Variants in MYO16 observed in about 807,000 individuals in gnomAD.
The protein encoded by MYO16 is myosin XVI, also known as unconventional myosin-XVI.
MYO16 carries 94 observed loss-of-function variants against 205.3 expected under a neutral mutation model. The ratio of observed to expected loss-of-function variants is 0.46; its 90% CI spans 0.39 to 0.54. MYO16 has a LOEUF of 0.54. MYO16 is among the 20% of genes least tolerant of loss of function. The pLI is 0.00. For synonymous variants in MYO16, 988 were observed against 954.0 expected (o/e 1.04, Z -0.66); for missense variants, 2,315 against 2,387.5 (o/e 0.97, Z 0.63).
chr13:108,707,920 G>A (rs1228551988), intron 2 of MYO16, among the ~76,000 whole-genome samples: 1 of 152,124 alleles, frequency 6.6e-6, no homozygotes, highest in African/African-American at 2.4e-5. Flanking sequence ...AATGGGGGCA[G>A]AAATAGCTCC....
chr13:108,837,935 C>A (rs921403889), intron 9 of MYO16, among the ~76,000 whole-genome samples: 4 of 151,958 alleles, frequency 2.6e-5, no homozygotes, highest in Admixed American at 6.6e-5. Flanking sequence ...TTATTAATCA[C>A]CCTAGACTCA....
chr13:109,198,839 G>A (rs1332424215), intron 34 of MYO16, among the ~76,000 whole-genome samples: 2 of 152,110 alleles, frequency 1.3e-5, no homozygotes, highest in Non-Finnish European at 2.9e-5. Flanking sequence ...TGAAGCCAGC[G>A]AATGCTTGTT....
At chr13:109,011,628 C>A (rs1885602211) in intron 22 of MYO16, among the ~76,000 whole-genome samples, 1 of 151,890 alleles carries the variant, frequency 6.6e-6, no homozygotes, top group African/African-American at 2.4e-5. Context: ...GATTCTCCTG[C>A]CTCAGCCACC....
intron 1 of MYO16, among the ~76,000 whole-genome samples, chr13:108,659,002 T>G (rs946269475): frequency 6.6e-6 from 1 of 151,934 alleles, no homozygotes; most frequent in Non-Finnish European, 1.5e-5. Flanking sequence ...AGGAAGATTT[T>G]TATTCTAGAT....
At chr13:109,024,026 A>G (rs1425293033) in intron 23 of MYO16, among the ~76,000 whole-genome samples, 1 of 105,078 alleles carries the variant, frequency 9.5e-6, no homozygotes, top group Non-Finnish European at 2.4e-5. Flanking sequence ...TACAATGTGT[A>G]TGTATATATT....
intron 32 of MYO16, among the ~76,000 whole-genome samples, chr13:109,145,290 A>G (rs945353048): frequency 3.9e-5 from 6 of 152,154 alleles, no homozygotes; most frequent in Non-Finnish European, 8.8e-5. Context: ...GAATGACTTG[A>G]GTGCAGTAAC....
intron 2 of MYO16, among the ~76,000 whole-genome samples, chr13:108,679,722 A>AAC (rs1555338195): frequency 7.0e-6 from 1 of 142,840 alleles, no homozygotes. Context: ...AAAAAAAAAA[A>AAC]TAATAATAAT....
chr13:108,727,355 GT>G lies in MYO16; in HGVS notation c.364-76del, dbSNP rs927628205. ...CTCAACTCCCAAAATTGGTATTGAA[GT>G]TTTTTTTTAAATCTGTGGACATTTG... is the stretch of plus-strand genomic sequence containing the variant. On this transcript the variant is annotated intron_variant, in intron 3 of 34. Transcript: ENST00000457511. The G allele has an allele frequency of 8.0e-5, 113 of 1,416,394 alleles. 1 individual carries two copies. The highest frequency in any genetic ancestry group is 4.7e-4 in the East Asian group (20 of 42,538). The allele number at this position is 1,416,394 out of a possible 1,614,324, so 87.7% of individuals were successfully genotyped here. A position where few individuals can be genotyped will look rare whatever the true frequency, so the allele number is the denominator to read the frequency against.
intron 22 of MYO16, among the ~76,000 whole-genome samples, chr13:109,018,574 C>A (rs1885910694): frequency 6.6e-6 from 1 of 152,062 alleles, no homozygotes; most frequent in African/African-American, 2.4e-5. Context: ...CCTTGCAGTT[C>A]CATCTCGGAC....
At chr13:109,088,721 G>T (rs1888522943) in intron 27 of MYO16, among the ~76,000 whole-genome samples, 1 of 152,230 alleles carries the variant, frequency 6.6e-6, no homozygotes, top group Admixed American at 6.5e-5. Context: ...CTTCATGCTC[G>T]GCACCGCCAC....
chr13:109,088,202 G>A (rs1267573198), intron 27 of MYO16, among the ~76,000 whole-genome samples: 1 of 152,174 alleles, frequency 6.6e-6, no homozygotes, highest in East Asian at 1.9e-4. Flanking sequence ...CTGAGTATTA[G>A]GTATGCACGG....
intron 28 of MYO16, among the ~76,000 whole-genome samples, chr13:109,105,435 G>A (rs1889096486): frequency 2.6e-5 from 4 of 152,176 alleles, no homozygotes; most frequent in South Asian, 2.1e-4. Flanking sequence ...TTGTGCCATT[G>A]CACTCCAGCC....
intron 16 of MYO16, among the ~76,000 whole-genome samples, chr13:108,938,756 T>C (rs1470503073): frequency 1.3e-5 from 2 of 152,216 alleles, no homozygotes; most frequent in African/African-American, 4.8e-5. Flanking sequence ...CCACCATCTA[T>C]GTTCAGGTAA....
At chr13:108,704,249 A>AAT (rs1354280695) in intron 2 of MYO16, among the ~76,000 whole-genome samples, 1 of 152,250 alleles carries the variant, frequency 6.6e-6, no homozygotes, top group East Asian at 1.9e-4. Flanking sequence ...GAATCACAAT[A>AAT]GATATTATAA....
At chr13:108,802,974 C>T (rs1887011509) in intron 6 of MYO16, among the ~76,000 whole-genome samples, 1 of 152,084 alleles carries the variant, frequency 6.6e-6, no homozygotes, top group Admixed American at 6.5e-5. Context: ...AAGGGAGTGG[C>T]ATCGTTAAAT....
chr13:108,864,119 T>A (rs1328709310), intron 11 of MYO16, among the ~76,000 whole-genome samples: 1 of 152,190 alleles, frequency 6.6e-6, no homozygotes. Flanking sequence ...GATCACCTTT[T>A]GGCTTTTTTC....
At chr13:109,034,507 A>G (rs1886650262) in intron 23 of MYO16, among the ~76,000 whole-genome samples, 1 of 152,156 alleles carries the variant, frequency 6.6e-6, no homozygotes, top group Non-Finnish European at 1.5e-5. Context: ...CATGATTGTA[A>G]GTTCCCTGAG....
chr13:108,617,581 G>T (rs1011982874), intron 1 of MYO16, among the ~76,000 whole-genome samples: 14 of 152,102 alleles, frequency 9.2e-5, no homozygotes, highest in African/African-American at 3.4e-4. Flanking sequence ...TTTCATCTGT[G>T]CCATGGTTGT....
the MYO16 span, among the ~76,000 whole-genome samples, chr13:108,580,594 C>T: frequency 2.6e-5 from 4 of 152,188 alleles, no homozygotes; most frequent in Non-Finnish European, 2.9e-5. Flanking sequence ...TTTGTGCACT[C>T]AGTTTATCTG....
Sources: gnomAD v4.1 joint callset for allele counts (sites outside exome capture counted in the v4.1 genomes callset) on GRCh38, gnomAD v4.1.1 for gene constraint, MANE v1.5 for transcripts, NCBI Gene and HGNC (gene_info 2026-07-23, HGNC 2026-07-21) for gene names.